The following ASTN2 variants were observed in gnomAD, a reference collection of about 807,000 sequenced individuals.
ASTN2 encodes astrotactin 2.
In ASTN2, 54 loss-of-function variants were observed where a neutral mutation model predicts 139.8. The observed-to-expected ratio is 0.39, with a 90% CI of 0.31 to 0.48. The LOEUF (loss-of-function observed/expected upper bound fraction) is 0.48. Among genes scored for constraint, ASTN2 ranks in the 20% least tolerant of loss-of-function variants. ASTN2 has a pLI of 0.95. For missense variants in ASTN2, 1,565 were observed against 1,725.1 expected, an observed-to-expected ratio of 0.91 and a Z score of 1.64; for synonymous variants, 756 against 719.5, an observed-to-expected ratio of 1.05 and a Z score of -0.81.
chr9:116,905,112 C>A (rs1834119726), intron 10 of ASTN2, among the ~76,000 whole-genome samples: 1 of 149,948 alleles, frequency 6.7e-6, no homozygotes, highest in Admixed American at 6.6e-5. Context: ...TTTGAGGAAA[C>A]TGAAAAGACT....
chr9:116,831,595 T>C (rs1831816450), intron 11 of ASTN2, among the ~76,000 whole-genome samples: 1 of 152,146 alleles, frequency 6.6e-6, no homozygotes, highest in Admixed American at 6.5e-5. Context: ...AAAATGATTA[T>C]TTTGTAGAGT....
intron 19 of ASTN2, among the ~76,000 whole-genome samples, chr9:116,535,751 G>T (rs943844343): frequency 2.6e-5 from 4 of 152,126 alleles, no homozygotes; most frequent in Non-Finnish European, 4.4e-5. Context: ...GCTTCCCTTT[G>T]TTGGTAACCC....
At chr9:116,502,606 G>A (rs541226396) in intron 19 of ASTN2, among the ~76,000 whole-genome samples, 1 of 151,256 alleles carries the variant, frequency 6.6e-6, no homozygotes, top group African/African-American at 2.4e-5. Flanking sequence ...TGAGGAGAGA[G>A]AGAGAGAAAC....
chr9:117,008,153 C>T lies in ASTN2; in HGVS notation c.1530G>A (p.Val510=), dbSNP rs1837413257. The change falls in exon 7 of 23, where the codon GTG becomes GTA. Residue 510 remains valine (V), a synonymous_variant. Coordinates refer to ENST00000313400, the MANE Select transcript of ASTN2 (RefSeq NM_001365068.1). ...YYQINATSPW[V]RDLCGQRTTD... is the part of the protein sequence containing the mutation. The stretch of plus-strand genomic sequence containing the variant: ...TCGTCCTTTGTCCACAGAGGTCCCT[C>T]ACCCATGGGGAGGTGGCATTGATCT... 2 of 1,610,832 alleles carry T rather than the reference C, an allele frequency of 1.2e-6. No homozygotes were observed. Among genetic ancestry groups the T allele is most frequent in the Non-Finnish European group, 1.7e-6 (2 of 1,178,480 alleles).
At position 116,477,689 on chromosome 9, in the gene ASTN2, G is replaced by A. The variant is rs1849027827; in HGVS notation, c.3497+9670C>T. On this transcript the variant is annotated intron_variant, in intron 20 of 22. Coordinates refer to ENST00000313400, the MANE Select transcript of ASTN2 (RefSeq NM_001365068.1). ...AGAAAGAGACAGGGGTAGAGACACA[G>A]AGAGAGCAAGTAGAAGAGAGGTACA... 3.3e-5 allele frequency among the ~76,000 whole-genome samples: 5 copies of A among 151,786 alleles called. No individual in the cohort carries two copies. The South Asian group carries it at 1.0e-3, about 32-fold the overall frequency.
chr9:117,299,679 A>C (rs903844806), intron 1 of ASTN2, among the ~76,000 whole-genome samples: 5 of 152,162 alleles, frequency 3.3e-5, no homozygotes, highest in African/African-American at 1.2e-4. Context: ...AGAATAATAC[A>C]AGTGCCAGGT....
At chr9:117,144,412 A>G (rs1830143661) in intron 3 of ASTN2, among the ~76,000 whole-genome samples, 1 of 152,200 alleles carries the variant, frequency 6.6e-6, no homozygotes, top group African/African-American at 2.4e-5. Flanking sequence ...AGCTTGTCCA[A>G]CCTGCGGCCC....
At chr9:117,074,248 A>AGAG (rs888445487) in intron 5 of ASTN2, among the ~76,000 whole-genome samples, 14 of 151,916 alleles carry the variant, frequency 9.2e-5, no homozygotes, top group Non-Finnish European at 1.5e-4. Context: ...CCCGTTCTCT[A>AGAG]GAGGAGGAGG....
intron 1 of ASTN2, among the ~76,000 whole-genome samples, chr9:117,365,534 A>T (rs550493974): frequency 6.6e-6 from 1 of 152,104 alleles, no homozygotes; most frequent in Non-Finnish European, 1.5e-5. Context: ...GTGAGAGGGA[A>T]AAAAGAAAGG....
chr9:116,942,317 A>T (rs1005262174), intron 10 of ASTN2, among the ~76,000 whole-genome samples: 7 of 151,956 alleles, frequency 4.6e-5, no homozygotes, highest in Non-Finnish European at 1.0e-4. Context: ...CACCATTCTG[A>T]TCTCCCAGCA....
At chr9:116,613,675 GT>G (rs1855677827) in intron 19 of ASTN2, 1 of 152,060 alleles carries the variant, frequency 6.6e-6, no homozygotes, top group Non-Finnish European at 1.5e-5. Flanking sequence ...AAATTCAACA[GT>G]GCTTCATGCT....
intron 17 of ASTN2, among the ~76,000 whole-genome samples, chr9:116,632,249 G>GAAAGA (rs1311121869): frequency 8.5e-5 from 11 of 129,006 alleles, no homozygotes; most frequent in South Asian, 2.9e-4. Flanking sequence ...AAGAAAGAAA[G>GAAAGA]AAGGAAAGAA....
At chr9:116,476,094 C>A (rs1453050811) in intron 20 of ASTN2, among the ~76,000 whole-genome samples, 2 of 152,158 alleles carry the variant, frequency 1.3e-5, no homozygotes, top group African/African-American at 2.4e-5. Flanking sequence ...ATCCGCAGGG[C>A]CATGCTTCCT....
chr9:116,949,419 C>CCTCTCT (rs34972559), intron 10 of ASTN2, among the ~76,000 whole-genome samples: 12 of 151,158 alleles, frequency 7.9e-5, no homozygotes, highest in East Asian at 2.0e-4. Context: ...GAAGTACTGA[C>CCTCTCT]CTCTCTCTCT....
intron 5 of ASTN2, among the ~76,000 whole-genome samples, chr9:117,045,253 T>C (rs1838697520): frequency 2.2e-5 from 1 of 46,264 alleles, no homozygotes; most frequent in African/African-American, 4.8e-5. Context: ...TCCCATGTAA[T>C]TAGCAAAAAA....
At chr9:116,852,585 G>A (rs757890214) in intron 11 of ASTN2, among the ~76,000 whole-genome samples, 2 of 152,158 alleles carry the variant, frequency 1.3e-5, no homozygotes, top group Non-Finnish European at 2.9e-5. Context: ...ACCTGGGCTA[G>A]TGGGTCAAGA....
At chr9:117,262,970 G>C (rs1215401624) in intron 2 of ASTN2, among the ~76,000 whole-genome samples, 3 of 152,078 alleles carry the variant, frequency 2.0e-5, no homozygotes, top group African/African-American at 7.2e-5. Context: ...CTCCCCTAAA[G>C]TCTCTAAAGG....
At chr9:117,124,489 A>C (rs532079014) in intron 4 of ASTN2, among the ~76,000 whole-genome samples, 51 of 152,336 alleles carry the variant, frequency 3.3e-4, no homozygotes, top group Admixed American at 1.4e-3. Flanking sequence ...ACTCACAGCA[A>C]TAATGATCAT....
Position 117,105,896 on chromosome 9 carries a change from G to A in ASTN2, c.1169-9745C>T, listed in dbSNP as rs375763332. Among the ~76,000 whole-genome samples the A allele has an allele frequency of 1.1e-4, 16 of 152,294 alleles. No individual in the cohort carries two copies. In the South Asian group the frequency reaches 1.7e-3, roughly 16 times the overall value. ...TTGACATTCACAATAACTGGATGAT[G>A]GGCATTGCTATTCCCACTTGAAAGA... On this transcript the variant is annotated intron_variant, in intron 4 of 22. Transcript: ENST00000313400.
Sources: gnomAD v4.1 joint callset for allele counts (sites outside exome capture counted in the v4.1 genomes callset) on GRCh38, gnomAD v4.1.1 for gene constraint, MANE v1.5 for transcripts, NCBI Gene and HGNC (gene_info 2026-07-23, HGNC 2026-07-21) for gene names.